The following TMEM135 variants were observed in gnomAD, a reference collection of about 807,000 sequenced individuals.
The protein encoded by TMEM135 is transmembrane protein 135.
In TMEM135, 30 loss-of-function variants were observed where a neutral mutation model predicts 60.3. The ratio of observed to expected loss-of-function variants is 0.50; its 90% confidence interval spans 0.37 to 0.68. The LOEUF (loss-of-function observed/expected upper bound fraction) is 0.68. TMEM135 is among the 30% of genes least tolerant of loss of function. The pLI is 0.00. For missense variants in TMEM135, 468 were observed against 548.8 expected (o/e 0.85, Z 1.47); for synonymous variants, 190 against 186.7 (o/e 1.02, Z -0.14).
At chr11:87,236,740 T>G (rs750276705) in intron 6 of TMEM135, 56 bp downstream of exon 6, 3 of 1,516,286 alleles carry the variant, frequency 2.0e-6, no homozygotes, top group Non-Finnish European at 2.7e-6. Context: ...TCTTTGTAAT[T>G]TCATCAACCA....
intron 1 of TMEM135, among the ~76,000 whole-genome samples, chr11:87,049,564 A>G (rs1040536260): frequency 7.1e-5 from 9 of 127,028 alleles, no homozygotes; most frequent in African/African-American, 2.6e-4. Flanking sequence ...CAAAAGAGAC[A>G]AAGAAGGCCA....
Position 87,326,814 on chromosome 11 carries a change from G to T in TMEM135, c.*5481G>T, listed in dbSNP as rs1325772474. On this transcript the variant is annotated 3_prime_UTR_variant, in exon 15 of 15. Transcript: ENST00000305494. ...CTGAGTCGGCAGTTTTTGATAGCCTGTCACTGCTCAGGGATAGCACTAAGG... is the reference window on the plus strand; with the variant it reads ...CTGAGTCGGCAGTTTTTGATAGCCTTTCACTGCTCAGGGATAGCACTAAGG... 4.5e-6 allele frequency: 2 copies of T among 447,668 alleles called. No individual in the cohort carries two copies. Among genetic ancestry groups the T allele is most frequent in the African/African-American group, 4.1e-5 (2 of 49,344 alleles). 27.7% of individuals were successfully genotyped at this position (447,668 alleles called of 1,614,324 possible). A position where few individuals can be genotyped will look rare whatever the true frequency, so the allele number is the denominator to read the frequency against.
intron 2 of TMEM135, among the ~76,000 whole-genome samples, chr11:87,069,651 T>A (rs1253623177): frequency 6.6e-6 from 1 of 152,224 alleles, no homozygotes; most frequent in East Asian, 1.9e-4. Flanking sequence ...AATAGACATT[T>A]GAAATTTGAA....
chr11:87,065,384 T>G (rs1439827539), intron 1 of TMEM135, among the ~76,000 whole-genome samples: 4 of 152,238 alleles, frequency 2.6e-5, no homozygotes, highest in Non-Finnish European at 5.9e-5. Context: ...TTTTAGCCAT[T>G]CTGATAGTTG....
chr11:87,068,683 C>T (rs1164097747), intron 2 of TMEM135, among the ~76,000 whole-genome samples: 1 of 151,526 alleles, frequency 6.6e-6, no homozygotes, highest in East Asian at 1.9e-4. Flanking sequence ...TGGTGGTGGG[C>T]GCCTGTAGTC....
At chr11:87,070,305 CAT>C (rs1856750539) in intron 2 of TMEM135, among the ~76,000 whole-genome samples, 1 of 152,082 alleles carries the variant, frequency 6.6e-6, no homozygotes, top group Non-Finnish European at 1.5e-5. Context: ...TTCTTAGGAA[CAT>C]ATGTTTTCAA....
At chr11:87,260,895 C>G (rs1941638612) in intron 6 of TMEM135, among the ~76,000 whole-genome samples, 1 of 152,050 alleles carries the variant, frequency 6.6e-6, no homozygotes, top group Non-Finnish European at 1.5e-5. Context: ...TTCAGTAGGT[C>G]TGGGGTGGGA....
chr11:87,117,044 A>G (rs749967729), intron 4 of TMEM135, among the ~76,000 whole-genome samples: 1 of 152,134 alleles, frequency 6.6e-6, no homozygotes, highest in African/African-American at 2.4e-5. Flanking sequence ...GCTGGTCTCT[A>G]ACTTCTGACC....
Position 87,038,202 on chromosome 11 carries a change from C to G in TMEM135, c.141+16C>G. 1 of 1,613,908 alleles carries G rather than the reference C, an allele frequency of 6.2e-7. No homozygotes were observed. Among genetic ancestry groups the G allele is most frequent in the Admixed American group, 1.7e-5 (1 of 60,010 alleles). ...TCTGTACTTGGTGAGACCCGTCACCCGTCCCGCAGGGCGAGTTTAGTCTGG... is the reference window on the plus strand; with the variant it reads ...TCTGTACTTGGTGAGACCCGTCACCGGTCCCGCAGGGCGAGTTTAGTCTGG... On this transcript the variant is annotated intron_variant, in intron 1 of 14. Transcript: ENST00000305494.
chr11:87,157,074 GTTTT>G (rs199977904), intron 4 of TMEM135, among the ~76,000 whole-genome samples: 1 of 137,876 alleles, frequency 7.3e-6, no homozygotes. Flanking sequence ...TCTTTCTTTT[GTTTT>G]TTTTTTTTTT....
At chr11:87,168,565 G>T (rs913834185) in intron 5 of TMEM135, among the ~76,000 whole-genome samples, 1 of 151,800 alleles carries the variant, frequency 6.6e-6, no homozygotes, top group Admixed American at 6.6e-5. Flanking sequence ...ATTATTTACC[G>T]AGTAGTCATA....
At chr11:87,209,675 C>T (rs974715530) in intron 5 of TMEM135, among the ~76,000 whole-genome samples, 4 of 152,050 alleles carry the variant, frequency 2.6e-5, no homozygotes, top group East Asian at 1.9e-4. Flanking sequence ...TAACTCAACA[C>T]GACCAGTTGT....
chr11:87,240,318 T>TATAA (rs1448274265), intron 6 of TMEM135, among the ~76,000 whole-genome samples: 1 of 152,052 alleles, frequency 6.6e-6, no homozygotes, highest in East Asian at 1.9e-4. Context: ...ATTATTATTA[T>TATAA]GTATGCTATT....
chr11:87,071,918 A>C (rs1378880), intron 3 of TMEM135, among the ~76,000 whole-genome samples: 1 of 151,932 alleles, frequency 6.6e-6, no homozygotes, highest in Non-Finnish European at 1.5e-5. Flanking sequence ...TAGGCCAGGC[A>C]GCTCATTCCT....
rs776342647 is a variant in TMEM135 at position 87,318,152 on chromosome 11, G to A, written c.1093G>A (p.Gly365Ser). The A allele has an allele frequency of 2.5e-6, 4 of 1,612,298 alleles. No homozygotes were observed. In the African/African-American group the frequency reaches 5.3e-5, roughly 22 times the overall value. Residue 365 changes from glycine (G) to serine (S), a missense_variant, in exon 13 of 15, where the codon GGC (glycine) becomes AGC (serine). By Grantham distance (56) the Gly-to-Ser change is moderately conservative. Coordinates refer to ENST00000305494, the MANE Select transcript of TMEM135 (RefSeq NM_022918.4). ...TGTTTTGCAGACAATGTATTTCAAA[G>A]GCATTGAAGCAGGGAAGGTTCCCTA... is the stretch of plus-strand genomic sequence containing the variant. ...SKLVETMYFK[G>S]IEAGKVPYFP... is the part of the protein sequence containing the mutation.
intron 10 of TMEM135, among the ~76,000 whole-genome samples, chr11:87,312,946 T>C (rs1258568689): frequency 6.6e-6 from 1 of 151,954 alleles, no homozygotes; most frequent in African/African-American, 2.4e-5. Flanking sequence ...TGGTGTCATA[T>C]TCCTTCTACC....
rs1167705663 is a variant in TMEM135 at position 87,310,917 on chromosome 11, T to G, written c.936+1245T>G. 2.6e-5 allele frequency among the ~76,000 whole-genome samples: 4 copies of G among 152,032 alleles called. No individual in the cohort carries two copies. The East Asian group carries it at 7.7e-4, about 29-fold the overall frequency. On this transcript the variant is annotated intron_variant, in intron 10 of 14. Coordinates refer to ENST00000305494, the MANE Select transcript of TMEM135 (RefSeq NM_022918.4). ...AACATGCAGCAGGCATTCCAATATG[T>G]CTGACTAATGAATTAAGGACATTAA...
intron 6 of TMEM135, among the ~76,000 whole-genome samples, chr11:87,247,581 C>G (rs113795750): frequency 6.6e-6 from 1 of 152,196 alleles, no homozygotes; most frequent in Non-Finnish European, 1.5e-5. Context: ...CCCCCAGCCT[C>G]GCTGCCACCT....
At chr11:87,043,196 C>T (rs1404938005) in intron 1 of TMEM135, among the ~76,000 whole-genome samples, 1 of 151,662 alleles carries the variant, frequency 6.6e-6, no homozygotes, top group African/African-American at 2.4e-5. Context: ...CTCAGGTGAT[C>T]CACCTGCCTC....
Sources: allele counts gnomAD v4.1 joint callset (sites outside exome capture counted in the v4.1 genomes callset), GRCh38; gene constraint gnomAD v4.1.1; transcripts MANE v1.5; gene names NCBI Gene and HGNC (gene_info 2026-07-23, HGNC 2026-07-21).